ESRRG: variants seen among roughly 807,000 people sequenced by gnomAD.
The protein encoded by ESRRG is estrogen related receptor gamma, also known as estrogen-related receptor gamma.
ESRRG carries 13 observed loss-of-function variants against 44.0 expected under a neutral mutation model. That is an observed-to-expected ratio of 0.30 (90% confidence interval 0.19 to 0.47). The LOEUF (loss-of-function observed/expected upper bound fraction) is 0.47. ESRRG is among the 20% of genes least tolerant of loss of function. The pLI, the probability that ESRRG is intolerant of heterozygous loss-of-function variation, is 1.00. For missense variants in ESRRG, 395 were observed against 580.6 expected (o/e 0.68, Z 3.29); for synonymous variants, 215 against 214.6 (o/e 1.00, Z -0.02).
At chr1:216,934,054 T>C (rs2063741528) in intron 2 of ESRRG, among the ~76,000 whole-genome samples, 1 of 152,218 alleles carries the variant, frequency 6.6e-6, no homozygotes, top group Non-Finnish European at 1.5e-5. Flanking sequence ...TATTATTGAC[T>C]ATTTTGTGTA....
chr1:216,623,789 G>A (rs1456535268), intron 3 of ESRRG, among the ~76,000 whole-genome samples: 1 of 151,980 alleles, frequency 6.6e-6, no homozygotes, highest in Non-Finnish European at 1.5e-5. Context: ...GTTGTATACA[G>A]GCTGGAATGG....
At chr1:217,110,193 T>A (rs2092645615) in intron 1 of ESRRG, among the ~76,000 whole-genome samples, 1 of 152,194 alleles carries the variant, frequency 6.6e-6, no homozygotes, top group African/African-American at 2.4e-5. Context: ...ACGCCAAATA[T>A]GGCCTCAAAA....
chr1:216,823,863 G>A (rs1056601462), intron 2 of ESRRG, among the ~76,000 whole-genome samples: 20 of 152,252 alleles, frequency 1.3e-4, no homozygotes, highest in South Asian at 2.1e-4. Context: ...AAGGATTAAA[G>A]CCATATTCAC....
rs552921412 is a variant in ESRRG, at chr1:216,973,090, A to T, written c.-105-33417T>A. 2.6e-5 allele frequency among the ~76,000 whole-genome samples: 4 copies of T among 152,140 alleles called. No individual in the cohort carries two copies. The East Asian group carries it at 7.7e-4, about 29-fold the overall frequency. ...CCTGGAGAACTGCAGCAGCCTCTCA[A>T]TGAGGCTCCCTGCTTCTGTCCTAGC... On this transcript the variant is annotated intron_variant, in intron 1 of 7. Transcript: ENST00000359162.
intron 1 of ESRRG, among the ~76,000 whole-genome samples, chr1:217,128,845 T>C (rs1017668614): frequency 3.3e-5 from 5 of 152,210 alleles, no homozygotes; most frequent in Admixed American, 2.0e-4. Context: ...ATCTGAGTCT[T>C]TTCATGGATG....
intron 2 of ESRRG, among the ~76,000 whole-genome samples, chr1:216,740,865 T>C (rs1037223107): frequency 2.7e-5 from 4 of 150,908 alleles, no homozygotes; most frequent in Non-Finnish European, 4.4e-5. Flanking sequence ...GGAGTGGCTT[T>C]GAATTTACCA....
chr1:216,820,975 C>A (rs2095273330), intron 2 of ESRRG, among the ~76,000 whole-genome samples: 1 of 152,096 alleles, frequency 6.6e-6, no homozygotes, highest in Admixed American at 6.5e-5. Context: ...TTTTATTGGA[C>A]TTTTTGAAAA....
At chr1:216,649,147 G>A (rs750000352) in intron 3 of ESRRG, among the ~76,000 whole-genome samples, 1 of 152,058 alleles carries the variant, frequency 6.6e-6, no homozygotes, top group Non-Finnish European at 1.5e-5. Context: ...TATCAAAATT[G>A]TCCTTCTGGC....
intron 1 of ESRRG, among the ~76,000 whole-genome samples, chr1:216,944,101 T>C (rs2065704455): frequency 6.6e-6 from 1 of 152,180 alleles, no homozygotes; most frequent in South Asian, 2.1e-4. Flanking sequence ...TTTTCAGTGA[T>C]GGGTACAATG....
rs948601657 is a variant in ESRRG at position 216,740,588 on chromosome 1, C to T, written c.-13-63097G>A. On this transcript the variant is annotated intron_variant, in intron 2 of 7. Transcript: ENST00000359162. ...GAGGCCTTTTTTGTTCAATTTTGGA[C>T]GAGAGAGATTTCTAAGCCCTGCAAA... 1.1e-4 allele frequency among the ~76,000 whole-genome samples: 17 copies of T among 147,850 alleles called. No individual in the cohort carries two copies. The Admixed American group carries it at 1.2e-3, about 10-fold the overall frequency.
intron 5 of ESRRG, among the ~76,000 whole-genome samples, chr1:216,538,617 C>T (rs1015141261): frequency 6.6e-6 from 1 of 152,038 alleles, no homozygotes; most frequent in Non-Finnish European, 1.5e-5. Context: ...GAAAACGCAG[C>T]AAATGCATCC....
chr1:216,677,550 C>G, intron 1 of ESRRG, 59 bp from the exon 2 acceptor site: 3 of 1,375,706 alleles, frequency 2.2e-6, no homozygotes, highest in Non-Finnish European at 2.9e-6. Flanking sequence ...AGCACAGAGA[C>G]CAAAAGAGGT....
At chr1:216,840,538 CA>C (rs1396869006) in intron 2 of ESRRG, among the ~76,000 whole-genome samples, 1 of 152,078 alleles carries the variant, frequency 6.6e-6, no homozygotes, top group Non-Finnish European at 1.5e-5. Context: ...TTTACATTCA[CA>C]ACTTGGCTAA....
chr1:217,014,312 C>G (rs1486254569), intron 1 of ESRRG, among the ~76,000 whole-genome samples: 1 of 152,008 alleles, frequency 6.6e-6, no homozygotes, highest in Admixed American at 6.6e-5. Flanking sequence ...TCCTACTCTT[C>G]TTTTGTCAGG....
chr1:216,693,867 T>C (rs2079577782), intron 1 of ESRRG, among the ~76,000 whole-genome samples: 1 of 152,206 alleles, frequency 6.6e-6, no homozygotes, highest in African/African-American at 2.4e-5. Flanking sequence ...CCTGGGTTGT[T>C]GAGTAAATGA....
intron 1 of ESRRG, among the ~76,000 whole-genome samples, chr1:216,948,146 C>T (rs551517342): frequency 5.3e-5 from 8 of 152,258 alleles, no homozygotes; most frequent in East Asian, 1.9e-4. Flanking sequence ...TTGTTTGATA[C>T]TCCAACCACC....
At chr1:216,719,416 A>T (rs2085670002) in intron 1 of ESRRG, among the ~76,000 whole-genome samples, 1 of 152,048 alleles carries the variant, frequency 6.6e-6, no homozygotes, top group Non-Finnish European at 1.5e-5. Context: ...TAAGAAAAAA[A>T]CTGATTAAAA....
chr1:216,801,039 A>C (rs2094599638), intron 2 of ESRRG, among the ~76,000 whole-genome samples: 1 of 152,162 alleles, frequency 6.6e-6, no homozygotes. Flanking sequence ...ATATACATAT[A>C]GTGAAATGGT....
chr1:216,831,399 G>A (rs2095485016), intron 2 of ESRRG, among the ~76,000 whole-genome samples: 1 of 151,742 alleles, frequency 6.6e-6, no homozygotes, highest in East Asian at 1.9e-4. Flanking sequence ...ATCTAAACTC[G>A]CTTTTACCAA....
Sources: allele counts gnomAD v4.1 joint callset (sites outside exome capture counted in the v4.1 genomes callset), GRCh38; gene constraint gnomAD v4.1.1; transcripts MANE v1.5; gene names NCBI Gene and HGNC (gene_info 2026-07-23, HGNC 2026-07-21).